FRMPD1: variants seen among roughly 807,000 people sequenced by gnomAD.
The protein encoded by FRMPD1 is FERM and PDZ domain containing 1, also known as FERM and PDZ domain-containing protein 1.
A neutral mutation model predicts 117.8 loss-of-function variants in FRMPD1; 76 were observed. The ratio of observed to expected loss-of-function variants is 0.65; its 90% CI spans 0.54 to 0.78. The LOEUF is 0.78. Ranked by LOEUF, FRMPD1 falls within the 30% of genes least tolerant of loss-of-function variation. The probability of loss-of-function intolerance (pLI) is 0.00; values close to 1 mark genes in which losing one functional copy is unlikely to be tolerated. For missense variants in FRMPD1, 1,786 were observed against 1,964.5 expected (o/e 0.91, Z 1.72); for synonymous variants, 783 against 770.4 (o/e 1.02, Z -0.27).
the FRMPD1 span, among the ~76,000 whole-genome samples, chr9:37,624,375 T>C: frequency 6.6e-6 from 1 of 152,086 alleles, no homozygotes; most frequent in South Asian, 2.1e-4. Flanking sequence ...TGGGCAGAAA[T>C]ACACATGAGG....
At chr9:37,655,694 G>A (rs1328991882) in intron 1 of FRMPD1, among the ~76,000 whole-genome samples, 15 of 151,690 alleles carry the variant, frequency 9.9e-5, no homozygotes, top group African/African-American at 3.6e-4. Flanking sequence ...TCGTAGAGAC[G>A]GGGTTTCACC....
Position 37,735,670 on chromosome 9 carries a change from G to C in FRMPD1, c.1337G>C (p.Arg446Pro), listed in dbSNP as rs200633175. 1.2e-6 allele frequency: 2 copies of C among 1,613,850 alleles called. No individual in the cohort carries two copies. The highest frequency in any genetic ancestry group is 2.7e-5 in the African/African-American group (2 of 74,908). ...TTGGCAGAGTTTGCAAACATCAGCCGTGTAGAGCTAACGGAAGAGTCTGAG... is the reference window on the plus strand; with the variant it reads ...TTGGCAGAGTTTGCAAACATCAGCCCTGTAGAGCTAACGGAAGAGTCTGAG... ...STLAEFANIS[R>P]VELTEESEKV... Residue 446 changes from arginine (R) to proline (P), a missense_variant, in exon 13 of 16, where the codon CGT (arginine) becomes CCT (proline). Transcript: ENST00000377765.
rs533810256 is a variant in FRMPD1 at position 37,740,714 on chromosome 9, G to A, written c.2186G>A (p.Arg729Gln). Residue 729 changes from arginine (R) to glutamine (Q), a missense_variant, in exon 15 of 16, where the codon CGG (arginine) becomes CAG (glutamine). Physicochemically the swap from Arg to Gln is conservative, Grantham distance 43 (BLOSUM62 1). Transcript: ENST00000377765. This position sits in a 1 kb window ranked among gnomAD's most constrained non-coding sequence, Gnocchi z 4.2. ...GACAGTTCCGAGAGTACAGCTTCCC[G>A]GCAAGGGGGAGCCCCGCCAGCCTGG... is the stretch of plus-strand genomic sequence containing the variant. ...LSDSSESTAS[R>Q]QGGAPPAWGQ... 103 of 1,614,036 alleles carry A rather than the reference G, an allele frequency of 6.4e-5. No homozygotes were observed. Among genetic ancestry groups the A allele is most frequent in the Middle Eastern group, 5.0e-4 (3 of 6,054 alleles).
intron 2 of FRMPD1, among the ~76,000 whole-genome samples, chr9:37,706,004 A>T (rs1040476648): frequency 4.0e-5 from 5 of 123,478 alleles, no homozygotes; most frequent in African/African-American, 9.2e-5. Context: ...AATAAATAAA[A>T]GATTGAAAAA....
At chr9:37,657,103 A>T (rs368442548) in intron 1 of FRMPD1, among the ~76,000 whole-genome samples, 14 of 152,236 alleles carry the variant, frequency 9.2e-5, no homozygotes, top group African/African-American at 3.1e-4. Context: ...ATTCATCTGG[A>T]TGCAACAGTG....
At chr9:37,735,470 G>A in intron 12 of FRMPD1, 82 bp from the exon 13 acceptor site, 1 of 1,023,420 alleles carries the variant, frequency 9.8e-7, no homozygotes, top group Non-Finnish European at 1.5e-6. Flanking sequence ...GGAGTTTGCA[G>A]CGAGAGGTAT....
chr9:37,700,047 CCTTT>C (rs1045024867), intron 2 of FRMPD1, among the ~76,000 whole-genome samples: 1 of 152,122 alleles, frequency 6.6e-6, no homozygotes, highest in African/African-American at 2.4e-5. Context: ...TTTGTTAAAA[CCTTT>C]CTAATTCTGT....
At chr9:37,667,062 C>CTTTGTTTTTTTTTTT (rs1821182737) in intron 1 of FRMPD1, among the ~76,000 whole-genome samples, 1 of 111,054 alleles carries the variant, frequency 9.0e-6, no homozygotes, top group African/African-American at 4.0e-5. Flanking sequence ...TTGAAGCATG[C>CTTTGTTTTTTTTTTT]TTTTTTTTTT....
chr9:37,726,385 T>C (rs1328243507), intron 7 of FRMPD1, among the ~76,000 whole-genome samples: 2 of 152,170 alleles, frequency 1.3e-5, no homozygotes, highest in Non-Finnish European at 2.9e-5. Context: ...CATTTCTATA[T>C]CACCAACAAC....
chr9:37,636,692 C>T, the FRMPD1 span: 1 of 1,554,368 alleles, frequency 6.4e-7, no homozygotes, highest in African/African-American at 1.4e-5. Context: ...CCCCTCCTAG[C>T]AACAACCACC....
intron 9 of FRMPD1, among the ~76,000 whole-genome samples, 158 bp from the exon 10 acceptor site, chr9:37,732,146 G>GGA (rs1823912250): frequency 6.6e-6 from 1 of 152,156 alleles, no homozygotes; most frequent in Non-Finnish European, 1.5e-5. Context: ...CCAAATGCTT[G>GGA]GAGAGTCTTG....
chr9:37,660,797 G>A (rs369690069), intron 1 of FRMPD1, among the ~76,000 whole-genome samples: 6 of 152,290 alleles, frequency 3.9e-5, no homozygotes, highest in African/African-American at 1.4e-4. Flanking sequence ...ACTTGACTGT[G>A]AGCTTCCTGG....
At chr9:37,607,086 G>A in the FRMPD1 span, among the ~76,000 whole-genome samples, 3 of 152,172 alleles carry the variant, frequency 2.0e-5, no homozygotes, top group South Asian at 2.1e-4. Flanking sequence ...AGGCCGGGGC[G>A]GGTGGATCAC....
chr9:37,717,559 T>C (rs1481620465), intron 5 of FRMPD1, among the ~76,000 whole-genome samples: 2 of 151,904 alleles, frequency 1.3e-5, no homozygotes, highest in Non-Finnish European at 2.9e-5. Flanking sequence ...TTTGTATTTT[T>C]AATAGAGATG....
chr9:37,691,306 A>G (rs886709461), intron 1 of FRMPD1, among the ~76,000 whole-genome samples: 5 of 152,168 alleles, frequency 3.3e-5, no homozygotes, highest in South Asian at 2.1e-4. Context: ...TTTCAACCTT[A>G]TGCTCATCCT....
the FRMPD1 span, among the ~76,000 whole-genome samples, chr9:37,633,511 C>T: frequency 4.6e-5 from 7 of 152,130 alleles, no homozygotes; most frequent in Non-Finnish European, 1.0e-4. Context: ...AGTAATACTT[C>T]TATAAAAGAA....
At chr9:37,673,354 G>C (rs1374230675) in intron 1 of FRMPD1, among the ~76,000 whole-genome samples, 1 of 152,234 alleles carries the variant, frequency 6.6e-6, no homozygotes, top group Non-Finnish European at 1.5e-5. Context: ...GCTGATGCAA[G>C]AGGTGGGTTC....
At chr9:37,711,287 A>G (rs1822900366) in intron 4 of FRMPD1, 63 bp from the exon 5 acceptor site, 2 of 1,012,676 alleles carry the variant, frequency 2.0e-6, no homozygotes, top group Admixed American at 1.7e-5. Flanking sequence ...ACATGTATGC[A>G]TGCACGTGCA....
chr9:37,628,728 T>G, the FRMPD1 span, among the ~76,000 whole-genome samples: 2 of 152,198 alleles, frequency 1.3e-5, no homozygotes, highest in African/African-American at 4.8e-5. Flanking sequence ...GAGAAGGGAC[T>G]TAGGCCTGAC....
Sources: gnomAD v4.1 joint callset for allele counts (sites outside exome capture counted in the v4.1 genomes callset) on GRCh38, gnomAD v4.1.1 for gene constraint, Gnocchi (gnomAD v3.1) non-coding constraint, MANE v1.5 for transcripts, NCBI Gene and HGNC (gene_info 2026-07-23, HGNC 2026-07-21) for gene names.